Variants in GRM8 observed in about 807,000 individuals in gnomAD.
The protein encoded by GRM8 is metabotropic glutamate receptor 8.
GRM8 carries 47 observed loss-of-function variants against 87.2 expected under a neutral mutation model. The observed-to-expected ratio is 0.54, with a 90% CI of 0.43 to 0.69. The LOEUF is 0.69. Ranked by LOEUF, GRM8 falls within the 30% of genes least tolerant of loss-of-function variation. GRM8 has a pLI of 0.00. For missense variants in GRM8, 1,019 were observed against 1,139.2 expected (o/e 0.89, Z 1.52); for synonymous variants, 396 against 404.5 (o/e 0.98, Z 0.25).
At chr7:126,726,221 TA>T (rs34547396) in intron 7 of GRM8, among the ~76,000 whole-genome samples, 27,556 of 148,190 alleles carry the variant, frequency 0.19, 2,715 homozygotes, top group African/African-American at 0.24. Context: ...TGGATCAGGT[TA>T]AAAAAAAAAC....
chr7:126,784,010 C>T (rs771522340), intron 6 of GRM8, among the ~76,000 whole-genome samples: 5 of 152,146 alleles, frequency 3.3e-5, no homozygotes, highest in Non-Finnish European at 7.4e-5. Context: ...GTGAATTTAA[C>T]ACATCTTTCC....
At chr7:126,632,777 C>A (rs1316544898) in intron 7 of GRM8, among the ~76,000 whole-genome samples, 2 of 152,052 alleles carry the variant, frequency 1.3e-5, no homozygotes, top group Admixed American at 6.6e-5. Flanking sequence ...CAAACTAATG[C>A]AGGAACAGAA....
intron 6 of GRM8, among the ~76,000 whole-genome samples, chr7:126,840,620 A>AT (rs922256868): frequency 6.6e-6 from 1 of 152,126 alleles, no homozygotes; most frequent in African/African-American, 2.4e-5. Flanking sequence ...TTGACTATGT[A>AT]TTTTTTTATT....
chr7:126,677,861 C>G (rs1403860773), intron 7 of GRM8, among the ~76,000 whole-genome samples: 1 of 152,088 alleles, frequency 6.6e-6, no homozygotes, highest in African/African-American at 2.4e-5. Flanking sequence ...CAAATTAAAA[C>G]AAACTAACTG....
At chr7:126,972,596 A>G (rs570276087) in intron 3 of GRM8, among the ~76,000 whole-genome samples, 7 of 152,108 alleles carry the variant, frequency 4.6e-5, no homozygotes, top group Non-Finnish European at 7.3e-5. Flanking sequence ...TGCATTACAA[A>G]TGCTAGATTT....
intron 3 of GRM8, among the ~76,000 whole-genome samples, chr7:127,104,879 C>T (rs1825668497): frequency 1.3e-5 from 2 of 152,160 alleles, no homozygotes; most frequent in African/African-American, 4.8e-5. Flanking sequence ...TTTCACTTAA[C>T]TTTTAGAACA....
intron 3 of GRM8, among the ~76,000 whole-genome samples, chr7:127,043,435 A>G (rs1041655072): frequency 6.6e-6 from 1 of 152,250 alleles, no homozygotes; most frequent in African/African-American, 2.4e-5. Flanking sequence ...CTATGCAGCC[A>G]TAAAAAAGGA....
chr7:126,865,358 T>C (rs374631994), intron 6 of GRM8, among the ~76,000 whole-genome samples: 9 of 152,336 alleles, frequency 5.9e-5, no homozygotes, highest in Admixed American at 3.3e-4. Context: ...CCAAAGATCA[T>C]CCTTAGGCTT....
intron 6 of GRM8, among the ~76,000 whole-genome samples, chr7:126,836,313 G>T (rs1273150589): frequency 6.6e-6 from 1 of 152,006 alleles, no homozygotes; most frequent in Non-Finnish European, 1.5e-5. Flanking sequence ...AATAAATAAA[G>T]AAAACAAAAA....
Position 126,752,573 on chromosome 7 carries a change from G to A in GRM8, c.1357+17292C>T, listed in dbSNP as rs373562491. Among the ~76,000 whole-genome samples the A allele has an allele frequency of 3.3e-5, 5 of 152,142 alleles. No homozygotes were observed. In the East Asian group the frequency reaches 5.8e-4, roughly 18 times the overall value. Reference sequence around the variant, plus strand: ...TAAACACTGTGAGAATAGCCATAAGGATTTCCATGGGTTTCTACAAAGTGT... The same window carrying A: ...TAAACACTGTGAGAATAGCCATAAGAATTTCCATGGGTTTCTACAAAGTGT... On this transcript the variant is annotated intron_variant, in intron 7 of 10. Coordinates refer to ENST00000339582, the MANE Select transcript of GRM8 (RefSeq NM_000845.3).
intron 2 of GRM8, among the ~76,000 whole-genome samples, chr7:127,218,009 A>AC (rs1796678387): frequency 6.6e-6 from 1 of 151,886 alleles, no homozygotes; most frequent in South Asian, 2.1e-4. Flanking sequence ...TTACCATCCA[A>AC]CCCCCCAGAG....
chr7:126,507,995 G>A (rs73447019), intron 9 of GRM8, among the ~76,000 whole-genome samples: 5,351 of 151,932 alleles, frequency 0.035, 353 homozygotes, highest in African/African-American at 0.12. Context: ...TTTACTCAAA[G>A]TAATGAGTAA....
At chr7:126,498,496 G>A (rs1235986169) in intron 9 of GRM8, among the ~76,000 whole-genome samples, 1 of 151,888 alleles carries the variant, frequency 6.6e-6, no homozygotes, top group African/African-American at 2.4e-5. Context: ...ATAGACCATA[G>A]CATGGGAAGC....
chr7:126,512,097 A>G (rs1811465157), intron 9 of GRM8: 1 of 152,100 alleles, frequency 6.6e-6, no homozygotes, highest in Admixed American at 6.6e-5. Flanking sequence ...GAGGAGAGAA[A>G]CATAGCAATT....
chr7:126,779,182 T>C (rs1027022822), intron 6 of GRM8, among the ~76,000 whole-genome samples: 1 of 152,138 alleles, frequency 6.6e-6, no homozygotes, highest in Non-Finnish European at 1.5e-5. Flanking sequence ...TTTTGTTATA[T>C]TCAATGTGAT....
chr7:126,758,808 G>C (rs1817288160), intron 7 of GRM8, among the ~76,000 whole-genome samples: 1 of 151,968 alleles, frequency 6.6e-6, no homozygotes, highest in South Asian at 2.1e-4. Context: ...CAAAAGACTG[G>C]GAAAATCAAA....
At chr7:126,703,604 G>C (rs960224893) in intron 7 of GRM8, among the ~76,000 whole-genome samples, 1 of 152,118 alleles carries the variant, frequency 6.6e-6, no homozygotes, top group East Asian at 1.9e-4. Flanking sequence ...TTATCACTCA[G>C]GCTGAAGTGC....
chr7:126,568,886 A>G (rs1161020596), intron 8 of GRM8, among the ~76,000 whole-genome samples: 2 of 152,150 alleles, frequency 1.3e-5, no homozygotes, highest in Non-Finnish European at 2.9e-5. Flanking sequence ...TCTAGCCAAG[A>G]TGAAACGTAC....
At chr7:126,904,417 A>C (rs1802471328) in intron 4 of GRM8, 131 bp downstream of exon 4, 2 of 878,012 alleles carry the variant, frequency 2.3e-6, no homozygotes, top group Non-Finnish European at 3.6e-6. Flanking sequence ...TAGGTATTTC[A>C]GATTTACAAA....
Sources: allele counts gnomAD v4.1 joint callset (sites outside exome capture counted in the v4.1 genomes callset), GRCh38; gene constraint gnomAD v4.1.1; transcripts MANE v1.5; gene names NCBI Gene and HGNC (gene_info 2026-07-23, HGNC 2026-07-21).